GRID2: variants seen among roughly 807,000 people sequenced by gnomAD.
GRID2 encodes the protein glutamate ionotropic receptor delta type subunit 2.
Under a neutral mutation model 114.8 loss-of-function variants are expected in GRID2, and 33 were observed. The ratio of observed to expected loss-of-function variants is 0.29; its 90% CI spans 0.22 to 0.38. The LOEUF is 0.38. GRID2 is among the 10% of genes least tolerant of loss of function. The pLI is 1.00. For synonymous variants in GRID2, 505 were observed against 449.9 expected (o/e 1.12, Z -1.55); for missense variants, 1,184 against 1,257.7 (o/e 0.94, Z 0.89).
chr4:92,453,504 T>C (rs904028279), intron 1 of GRID2, among the ~76,000 whole-genome samples: 1 of 152,190 alleles, frequency 6.6e-6, no homozygotes, highest in African/African-American at 2.4e-5. Context: ...AACCGATGTA[T>C]ATTTATTGCA....
In GRID2 at chr4:92,489,573, C is replaced by T. The variant is rs991306837; in HGVS notation, c.89-100558C>T. ...ATTGAAAGTAAATAAGGGCCGGGCA[C>T]GGTGGCTCACTCCTGTAATCCCAGC... On this transcript the variant is annotated intron_variant, in intron 1 of 15. Coordinates refer to ENST00000282020, the MANE Select transcript of GRID2 (RefSeq NM_001510.4). Among the ~76,000 whole-genome samples, 14 of 152,228 alleles carry T rather than the reference C, an allele frequency of 9.2e-5. No homozygotes were observed. In the East Asian group the frequency reaches 1.5e-3, roughly 17 times the overall value.
intron 4 of GRID2, among the ~76,000 whole-genome samples, chr4:93,131,296 G>C (rs2149375497): frequency 6.6e-6 from 1 of 151,440 alleles, no homozygotes; most frequent in South Asian, 2.1e-4. Flanking sequence ...TGGGACTACA[G>C]GCACTCGCTT....
At chr4:92,645,809 C>G (rs2149257237) in intron 2 of GRID2, among the ~76,000 whole-genome samples, 2 of 151,812 alleles carry the variant, frequency 1.3e-5, no homozygotes. Flanking sequence ...ATTTTTTCAT[C>G]AAATTATTTC....
intron 10 of GRID2, among the ~76,000 whole-genome samples, chr4:93,452,209 G>A (rs1331248866): frequency 2.6e-5 from 4 of 152,138 alleles, no homozygotes; most frequent in Non-Finnish European, 4.4e-5. Context: ...GGAAAGTTGT[G>A]TTTGTGATGG....
chr4:93,412,158 A>G lies in GRID2; in HGVS notation c.1348-10613A>G, dbSNP rs375138858. Among the ~76,000 whole-genome samples the G allele has an allele frequency of 5.0e-4, 76 of 151,672 alleles. 1 individual carries two copies. Among genetic ancestry groups the G allele is most frequent in the African/African-American group, 1.8e-3 (73 of 41,396 alleles). On this transcript the variant is annotated intron_variant, in intron 9 of 15. Transcript: ENST00000282020. ...AGGCTGGGTTCTGTGGCTCATGCCT[A>G]TAACTCCAGCATTTGGGGATCACTT...
chr4:92,473,988 G>GTGTGTGTGTGTT (rs1722171853), intron 1 of GRID2, among the ~76,000 whole-genome samples: 1 of 151,570 alleles, frequency 6.6e-6, no homozygotes, highest in Non-Finnish European at 1.5e-5. Flanking sequence ...GTGTGTGTGT[G>GTGTGTGTGTGTT]TGTGTGTGTG....
intron 2 of GRID2, among the ~76,000 whole-genome samples, chr4:92,682,349 C>G (rs111723262): frequency 1.3e-5 from 2 of 152,162 alleles, no homozygotes; most frequent in African/African-American, 4.8e-5. Context: ...TGGTCTAAAC[C>G]AATGGCTCTC....
At chr4:93,144,517 A>C in intron 4 of GRID2, among the ~76,000 whole-genome samples, 1 of 152,292 alleles carries the variant, frequency 6.6e-6, no homozygotes, top group East Asian at 1.9e-4. Context: ...GGAGAGATGC[A>C]CTGTGATTCA....
At chr4:93,445,836 G>A (rs1722043972) in intron 10 of GRID2, among the ~76,000 whole-genome samples, 1 of 152,016 alleles carries the variant, frequency 6.6e-6, no homozygotes, top group Admixed American at 6.6e-5. Context: ...ATTTACTTAA[G>A]ATGTTGAAGA....
At chr4:92,442,808 T>A (rs561973132) in intron 1 of GRID2, among the ~76,000 whole-genome samples, 7 of 152,176 alleles carry the variant, frequency 4.6e-5, no homozygotes, top group Non-Finnish European at 8.8e-5. Context: ...TGATTTGGGA[T>A]AAAGAAAAAG....
intron 14 of GRID2, among the ~76,000 whole-genome samples, chr4:93,708,301 T>A (rs1728182298): frequency 6.7e-6 from 1 of 150,164 alleles, no homozygotes; most frequent in African/African-American, 2.5e-5. Context: ...GCTGTTGAAG[T>A]CTCCAGCTAT....
intron 15 of GRID2, among the ~76,000 whole-genome samples, chr4:93,771,467 C>T (rs1369302284): frequency 6.6e-6 from 1 of 152,118 alleles, no homozygotes; most frequent in Non-Finnish European, 1.5e-5. Context: ...TGCTAGATAC[C>T]TTGAGTGCAT....
At chr4:93,042,679 C>CTA (rs749053786) in intron 2 of GRID2, among the ~76,000 whole-genome samples, 252 of 136,922 alleles carry the variant, frequency 1.8e-3, no homozygotes, top group Non-Finnish European at 3.1e-3. Context: ...CTCTATATAT[C>CTA]TATATATATA....
chr4:92,522,209 A>G (rs1724819240), intron 1 of GRID2, among the ~76,000 whole-genome samples: 1 of 151,922 alleles, frequency 6.6e-6, no homozygotes, highest in Admixed American at 6.6e-5. Flanking sequence ...CATTCCAGAC[A>G]CAGGAAAGAG....
chr4:92,860,925 G>A (rs954697609), intron 2 of GRID2, among the ~76,000 whole-genome samples: 3 of 152,104 alleles, frequency 2.0e-5, no homozygotes, highest in African/African-American at 4.8e-5. Context: ...TTAGGAAGGT[G>A]TGTGGGGCAG....
chr4:92,797,081 C>T (rs940257343), intron 2 of GRID2, among the ~76,000 whole-genome samples: 1 of 151,862 alleles, frequency 6.6e-6, no homozygotes, highest in African/African-American at 2.4e-5. Flanking sequence ...CTCCAGGCCT[C>T]CGTTTATAGT....
chr4:92,510,260 T>A (rs1178022792), intron 1 of GRID2, among the ~76,000 whole-genome samples: 1 of 151,944 alleles, frequency 6.6e-6, no homozygotes, highest in East Asian at 1.9e-4. Flanking sequence ...GTTTTGGATC[T>A]GAACCAGTAC....
chr4:92,944,565 C>T (rs183400508), intron 2 of GRID2, among the ~76,000 whole-genome samples: 14 of 152,292 alleles, frequency 9.2e-5, no homozygotes, highest in South Asian at 2.1e-4. Flanking sequence ...ATGCTCAGTG[C>T]GCTGCACCCA....
intron 2 of GRID2, among the ~76,000 whole-genome samples, chr4:93,063,641 G>A (rs1728003559): frequency 6.6e-6 from 1 of 151,708 alleles, no homozygotes; most frequent in Non-Finnish European, 1.5e-5. Flanking sequence ...TCATCTTTGG[G>A]ACTAAATATT....
Sources: allele counts gnomAD v4.1 joint callset (sites outside exome capture counted in the v4.1 genomes callset), GRCh38; gene constraint gnomAD v4.1.1; transcripts MANE v1.5; gene names NCBI Gene and HGNC (gene_info 2026-07-23, HGNC 2026-07-21).